Variants in NBAS observed in about 807,000 individuals in gnomAD.
NBAS encodes NBAS subunit of NRZ tethering complex.
In NBAS, 219 loss-of-function variants were observed where a neutral mutation model predicts 302.5. The observed-to-expected ratio is 0.72, with a 90% CI of 0.65 to 0.81. NBAS has a LOEUF of 0.81. Ranked by LOEUF, NBAS falls within the 30% of genes least tolerant of loss-of-function variation. The probability of loss-of-function intolerance (pLI) is 0.00; values close to 1 mark genes in which losing one functional copy is unlikely to be tolerated. For missense variants in NBAS, 2,932 were observed against 2,841.6 expected, an observed-to-expected ratio of 1.03 and a Z score of -0.72; for synonymous variants, 1,118 against 1,021.6, an observed-to-expected ratio of 1.09 and a Z score of -1.80.
chr2:14,974,760 C>A, the NBAS span, among the ~76,000 whole-genome samples: 1 of 152,172 alleles, frequency 6.6e-6, no homozygotes, highest in Non-Finnish European at 1.5e-5. Context: ...TAGATTCATA[C>A]ACCCTAATCC....
At chr2:14,959,901 C>A in the NBAS span, among the ~76,000 whole-genome samples, 1 of 152,196 alleles carries the variant, frequency 6.6e-6, no homozygotes, top group East Asian at 1.9e-4. Flanking sequence ...GAATTTCTAT[C>A]ATTTCCTTTA....
the NBAS span, among the ~76,000 whole-genome samples, chr2:15,130,295 AT>A: frequency 7.1e-4 from 108 of 151,968 alleles, no homozygotes; most frequent in African/African-American, 2.4e-3. Flanking sequence ...ATTCATTCGT[AT>A]TTTTTTTATT....
intron 40 of NBAS, among the ~76,000 whole-genome samples, chr2:15,294,771 A>G (rs931826524): frequency 6.6e-6 from 1 of 152,194 alleles, no homozygotes; most frequent in Non-Finnish European, 1.5e-5. Flanking sequence ...AGCTCTTTTC[A>G]GTTGTTCCTT....
chr2:15,510,130 G>A (rs955663352), intron 10 of NBAS, among the ~76,000 whole-genome samples: 3 of 152,142 alleles, frequency 2.0e-5, no homozygotes, highest in Non-Finnish European at 2.9e-5. Flanking sequence ...TTACAGGCGT[G>A]AGCCACCACG....
the NBAS span, among the ~76,000 whole-genome samples, chr2:15,059,722 C>T: frequency 2.6e-5 from 4 of 152,158 alleles, no homozygotes; most frequent in African/African-American, 4.8e-5. Flanking sequence ...CTCATGAGAA[C>T]AGGCTGAAGA....
intron 51 of NBAS, among the ~76,000 whole-genome samples, chr2:15,168,557 G>C (rs1449390326): frequency 6.6e-6 from 1 of 152,160 alleles, no homozygotes; most frequent in Non-Finnish European, 1.5e-5. Context: ...TATGACCAAG[G>C]ATTCCTCCTT....
At chr2:14,842,300 AT>A in the NBAS span, among the ~76,000 whole-genome samples, 1 of 151,934 alleles carries the variant, frequency 6.6e-6, no homozygotes, top group Non-Finnish European at 1.5e-5. Context: ...AAAATCCAAA[AT>A]TTTTAGAGGA....
At chr2:14,885,706 A>C in the NBAS span, among the ~76,000 whole-genome samples, 1 of 152,144 alleles carries the variant, frequency 6.6e-6, no homozygotes, top group Non-Finnish European at 1.5e-5. Context: ...GCCAGGGAGA[A>C]GAGAAGCATG....
the NBAS span, among the ~76,000 whole-genome samples, chr2:14,996,754 G>A: frequency 1.6e-3 from 240 of 152,278 alleles, no homozygotes; most frequent in African/African-American, 5.3e-3. Flanking sequence ...GATATTGTAA[G>A]AGAATCTTTC....
the NBAS span, among the ~76,000 whole-genome samples, chr2:14,929,737 C>A: frequency 6.6e-6 from 1 of 152,072 alleles, no homozygotes; most frequent in East Asian, 1.9e-4. Flanking sequence ...GGTTAAATCT[C>A]TGAATATTCC....
intron 35 of NBAS, among the ~76,000 whole-genome samples, chr2:15,334,830 T>A (rs1672505072): frequency 6.6e-6 from 1 of 152,228 alleles, no homozygotes; most frequent in South Asian, 2.1e-4. Context: ...TTTAACACGC[T>A]TATGTAACAA....
chr2:15,207,540 T>C (rs906784526), intron 48 of NBAS, among the ~76,000 whole-genome samples: 1 of 152,134 alleles, frequency 6.6e-6, no homozygotes, highest in African/African-American at 2.4e-5. Context: ...TGGAATTATA[T>C]GGTTTGGCTC....
At chr2:15,247,688 A>G (rs1371538027) in intron 44 of NBAS, among the ~76,000 whole-genome samples, 2 of 139,618 alleles carry the variant, frequency 1.4e-5, no homozygotes, top group Non-Finnish European at 3.2e-5. Context: ...CTCTATATAT[A>G]TATCTATATA....
chr2:15,477,787 A>AT (rs527280717), intron 13 of NBAS, among the ~76,000 whole-genome samples: 34 of 152,260 alleles, frequency 2.2e-4, no homozygotes, highest in African/African-American at 7.2e-4. Context: ...GTAAATCTTG[A>AT]TTTTTTTCTA....
At chr2:15,487,042 G>C (rs1010562560) in intron 12 of NBAS, among the ~76,000 whole-genome samples, 2 of 152,086 alleles carry the variant, frequency 1.3e-5, no homozygotes, top group Non-Finnish European at 2.9e-5. Flanking sequence ...AATATTAAGA[G>C]TGCTTCAGAA....
intron 44 of NBAS, among the ~76,000 whole-genome samples, chr2:15,248,675 T>C (rs1262632017): frequency 6.6e-6 from 1 of 152,156 alleles, no homozygotes; most frequent in Non-Finnish European, 1.5e-5. Flanking sequence ...CATCAGAGAA[T>C]ACTATAAACA....
intron 9 of NBAS, among the ~76,000 whole-genome samples, chr2:15,514,273 C>T (rs1035884514): frequency 3.3e-5 from 5 of 152,088 alleles, no homozygotes; most frequent in African/African-American, 1.2e-4. Flanking sequence ...AGTCAGTATA[C>T]TATTCTACTT....
chr2:15,394,304 T>G lies in NBAS; in HGVS notation c.3180A>C (p.Ser1060=), dbSNP rs202192997. 6.2e-7 allele frequency: 1 copy of G among 1,613,200 alleles called. No homozygotes were observed. Among genetic ancestry groups the G allele is most frequent in the Admixed American group, 1.7e-5 (1 of 59,966 alleles). The part of the protein sequence containing the change: ...LEKHGLEKPI[S]FVKNTQSSSE... ...AGCTAGATTGAGTGTTTTTAACAAA[T>G]GAAATTGGTTTCTCGAGTCCATGTT... Residue 1060 remains serine, a synonymous_variant, in exon 28 of 52, where the codon TCA becomes TCC. Transcript: ENST00000281513.
intron 51 of NBAS, among the ~76,000 whole-genome samples, chr2:15,168,252 T>A (rs967356323): frequency 6.6e-6 from 1 of 152,200 alleles, no homozygotes; most frequent in Non-Finnish European, 1.5e-5. Flanking sequence ...TCAAAGCCAA[T>A]TAACTAACGT....
Sources: allele counts gnomAD v4.1 joint callset (sites outside exome capture counted in the v4.1 genomes callset), GRCh38; gene constraint gnomAD v4.1.1; transcripts MANE v1.5; gene names NCBI Gene and HGNC (gene_info 2026-07-23, HGNC 2026-07-21).